MAST2: variants seen among roughly 807,000 people sequenced by gnomAD.
MAST2 encodes microtubule-associated serine/threonine-protein kinase 2.
In MAST2, 70 loss-of-function variants were observed where a neutral mutation model predicts 147.4. The observed-to-expected ratio is 0.47, with a 90% confidence interval of 0.39 to 0.58. The LOEUF (loss-of-function observed/expected upper bound fraction) is 0.58. Among genes scored for constraint, MAST2 ranks in the 20% least tolerant of loss-of-function variants. MAST2 has a pLI of 0.00. For synonymous variants in MAST2, 869 were observed against 896.8 expected (o/e 0.97, Z 0.55); for missense variants, 2,080 against 2,302.3 (o/e 0.90, Z 1.98).
intron 4 of MAST2, among the ~76,000 whole-genome samples, chr1:45,918,248 A>G (rs749428726): frequency 6.6e-6 from 1 of 152,374 alleles, no homozygotes; most frequent in Non-Finnish European, 1.5e-5. Flanking sequence ...GAAGGAAGTC[A>G]TAGAGCCTGA....
intron 4 of MAST2, among the ~76,000 whole-genome samples, chr1:45,940,085 C>T (rs959573118): frequency 2.0e-5 from 3 of 150,144 alleles, no homozygotes; most frequent in South Asian, 2.1e-4. Context: ...ACCCCCACCC[C>T]GGGTTCAAGT....
intron 4 of MAST2, among the ~76,000 whole-genome samples, chr1:45,933,322 A>G (rs533061371): frequency 2.0e-5 from 3 of 152,164 alleles, no homozygotes; most frequent in Non-Finnish European, 4.4e-5. Context: ...GTATACATGT[A>G]ACACACATGT....
chr1:45,853,694 A>T (rs1005364051), intron 3 of MAST2, among the ~76,000 whole-genome samples: 1 of 151,964 alleles, frequency 6.6e-6, no homozygotes, highest in Non-Finnish European at 1.5e-5. Context: ...AATTTTTTAT[A>T]CTACCTTTAT....
chr1:46,027,064 T>A (rs935773150), intron 16 of MAST2, among the ~76,000 whole-genome samples: 4 of 152,164 alleles, frequency 2.6e-5, no homozygotes, highest in Non-Finnish European at 5.9e-5. Context: ...GAGGCATGAC[T>A]TTGTTTTGGA....
chr1:46,027,914 T>C lies in MAST2; in HGVS notation c.2052+51T>C, dbSNP rs569388488. 72 of 1,604,056 alleles carry C rather than the reference T, an allele frequency of 4.5e-5. No homozygotes were observed. In the South Asian group the frequency reaches 6.9e-4, roughly 15 times the overall value. ...GGGGTTAAATTCTAGGCCCTTGTCCTGGCGCAGTGTCTTACGCCCGTAATC... is the reference window on the plus strand; with the variant it reads ...GGGGTTAAATTCTAGGCCCTTGTCCCGGCGCAGTGTCTTACGCCCGTAATC... On this transcript the variant is annotated intron_variant, in intron 17 of 28. Coordinates refer to ENST00000361297, the MANE Select transcript of MAST2 (RefSeq NM_015112.3).
intron 1 of MAST2, among the ~76,000 whole-genome samples, chr1:45,818,982 A>G (rs1644538147): frequency 6.6e-6 from 1 of 152,182 alleles, no homozygotes; most frequent in African/African-American, 2.4e-5. Context: ...GACCGGGCAT[A>G]GTGGCTCATG....
rs1449114960 is a variant in MAST2 at position 45,983,525 on chromosome 1, CTG to C, written c.593-14197_593-14196del. Among the ~76,000 whole-genome samples the C allele has an allele frequency of 6.8e-4, 101 of 147,884 alleles. 1 individual carries two copies. Among genetic ancestry groups the C allele is most frequent in the African/African-American group, 2.4e-3 (95 of 39,930 alleles). ...TTTTTGTCTGAGACAAGATCTTACT[CTG>C]TTACCCAGGCTGGAGTGCAGTGACA... is the stretch of plus-strand genomic sequence containing the variant. On this transcript the variant is annotated intron_variant, in intron 5 of 28. Coordinates refer to ENST00000361297, the MANE Select transcript of MAST2 (RefSeq NM_015112.3).
At chr1:46,007,267 GGTAATGCTGGCACTGCACCAGGA>G (rs1645524978) in intron 8 of MAST2, among the ~76,000 whole-genome samples, 1 of 152,160 alleles carries the variant, frequency 6.6e-6, no homozygotes, top group Admixed American at 6.5e-5. Flanking sequence ...AATCCCCTCA[GGTAATGCTGGCACTGCACCAGGA>G]GTGACAGGGA....
chr1:45,835,762 A>G (rs778657919), intron 3 of MAST2, among the ~76,000 whole-genome samples: 1 of 152,090 alleles, frequency 6.6e-6, no homozygotes, highest in African/African-American at 2.4e-5. Flanking sequence ...GTCATTATTC[A>G]TTCCACCCTC....
chr1:45,921,246 G>A (rs955821749), intron 4 of MAST2, among the ~76,000 whole-genome samples: 1 of 152,100 alleles, frequency 6.6e-6, no homozygotes, highest in Non-Finnish European at 1.5e-5. Context: ...CACCCACCTC[G>A]GACTCCCAAA....
At chr1:45,853,430 C>T (rs1024989440) in intron 3 of MAST2, among the ~76,000 whole-genome samples, 16 of 152,008 alleles carry the variant, frequency 1.1e-4, no homozygotes, top group Non-Finnish European at 1.9e-4. Flanking sequence ...TCTCGGCTCA[C>T]GGCAACCTCT....
chr1:45,871,152 A>G (rs563656391), intron 3 of MAST2, among the ~76,000 whole-genome samples: 8 of 148,546 alleles, frequency 5.4e-5, no homozygotes, highest in African/African-American at 2.0e-4. Context: ...TTAATGATAT[A>G]TTTGGACTTG....
At position 46,032,375 on chromosome 1, in the gene MAST2, G is replaced by A. The variant is rs374331745; in HGVS notation, c.3385G>A (p.Asp1129Asn). Residue 1129 changes from aspartate (D) to asparagine (N), a missense_variant, in exon 25 of 29, where the codon GAT becomes AAT. Asp to Asn is a conservative substitution (Grantham distance 23). Coordinates refer to ENST00000361297, the MANE Select transcript of MAST2 (RefSeq NM_015112.3). ...RAIRVYMGDS[D>N]VYTVHHMVWH... ...CATTCGCGTCTACATGGGTGACTCC[G>A]ATGTCTACACCGTGCACCATATGGT... The A allele has an allele frequency of 2.3e-5, 37 of 1,614,172 alleles. No homozygotes were observed. The highest frequency in any genetic ancestry group is 1.9e-4 in the African/African-American group (14 of 75,058).
intron 15 of MAST2, 48 bp downstream of exon 15, chr1:46,024,028 G>A (rs1646298270): frequency 6.3e-7 from 1 of 1,583,518 alleles, no homozygotes; most frequent in African/African-American, 1.3e-5. Context: ...CACAGTCTGA[G>A]ACTTAGCCTT....
chr1:45,950,537 A>T (rs1658776567), intron 4 of MAST2, among the ~76,000 whole-genome samples: 1 of 152,122 alleles, frequency 6.6e-6, no homozygotes, highest in South Asian at 2.1e-4. Flanking sequence ...ACTTAACTGA[A>T]ATTGGGGGTT....
In MAST2 at chr1:45,864,012, A is replaced by G. The variant is rs781487329; in HGVS notation, c.469-18352A>G. On this transcript the variant is annotated intron_variant, in intron 3 of 28. Transcript: ENST00000361297. ...ATTACCATAAAGTTGGAAAGTTTAAACGTTGCTTATGGAGTGTGTAAGGAA... is the reference window on the plus strand; with the variant it reads ...ATTACCATAAAGTTGGAAAGTTTAAGCGTTGCTTATGGAGTGTGTAAGGAA... Among the ~76,000 whole-genome samples the G allele has an allele frequency of 3.1e-4, 47 of 152,348 alleles. 1 individual carries two copies. In the Middle Eastern group the frequency reaches 0.034, roughly 110 times the overall value.
At chr1:45,928,046 A>C (rs1360911670) in intron 4 of MAST2, among the ~76,000 whole-genome samples, 1 of 152,202 alleles carries the variant, frequency 6.6e-6, no homozygotes, top group Non-Finnish European at 1.5e-5. Context: ...TAGAACTAGG[A>C]AAATTTTATT....
intron 5 of MAST2, among the ~76,000 whole-genome samples, chr1:45,975,428 G>A (rs1380496513): frequency 6.7e-6 from 1 of 150,178 alleles, no homozygotes; most frequent in Non-Finnish European, 1.5e-5. Context: ...GGAGGCCAAG[G>A]TGGGAGGATC....
At position 46,031,055 on chromosome 1, in the gene MAST2, C is replaced by T. The variant is rs1646641861; in HGVS notation, c.2757C>T (p.Asp919=). ...CTGAGTCATCCCACACAGAGAGTGA[C>T]TCAAGCCCTCCAATGACAGTGCGAC... ...SVSESSHTES[D]SSPPMTVRRR... Residue 919 remains aspartate (D), a synonymous_variant, in exon 23 of 29, where the codon GAC becomes GAT. Transcript: ENST00000361297. This position sits in a 1 kb window ranked among gnomAD's most constrained non-coding sequence, Gnocchi z 4.1. The T allele has an allele frequency of 6.2e-7, 1 of 1,613,750 alleles. No individual in the cohort carries two copies. The highest frequency in any genetic ancestry group is 1.1e-5 in the South Asian group (1 of 91,046).
Sources: allele counts gnomAD v4.1 joint callset (sites outside exome capture counted in the v4.1 genomes callset), GRCh38; gene constraint gnomAD v4.1.1; non-coding constraint Gnocchi (gnomAD v3.1); transcripts MANE v1.5; gene names NCBI Gene and HGNC (gene_info 2026-07-23, HGNC 2026-07-21).